Variants in GLT8D2 observed in about 807,000 individuals in gnomAD.
The protein encoded by GLT8D2 is glycosyltransferase 8 domain containing 2, also known as glycosyltransferase 8 domain-containing protein 2.
In GLT8D2, 45 loss-of-function variants were observed where a neutral mutation model predicts 44.5. The observed-to-expected ratio is 1.01, with a 90% CI of 0.80 to 1.30. GLT8D2 has a LOEUF of 1.30. Among genes scored for constraint, GLT8D2 ranks in the 50% most tolerant of loss-of-function variants. The pLI, the probability that GLT8D2 is intolerant of heterozygous loss-of-function variation, is 0.00. For missense variants in GLT8D2, 400 were observed against 430.4 expected (o/e 0.93, Z 0.62); for synonymous variants, 156 against 157.2 (o/e 0.99, Z 0.06).
intron 1 of GLT8D2, among the ~76,000 whole-genome samples, chr12:104,026,020 T>C (rs1400896734): frequency 6.6e-6 from 1 of 152,172 alleles, no homozygotes; most frequent in Non-Finnish European, 1.5e-5. Context: ...GGCTCACAAC[T>C]GTAATTCCAG....
At chr12:104,008,954 T>G (rs1875457320) in intron 4 of GLT8D2, among the ~76,000 whole-genome samples, 1 of 152,218 alleles carries the variant, frequency 6.6e-6, no homozygotes, top group East Asian at 1.9e-4. Flanking sequence ...TCAGAAGATG[T>G]ATGGAAATGT....
At chr12:104,034,904 C>T (rs1167893266) in intron 1 of GLT8D2, among the ~76,000 whole-genome samples, 2 of 152,220 alleles carry the variant, frequency 1.3e-5, no homozygotes, top group African/African-American at 4.8e-5. Flanking sequence ...CCAACTGATA[C>T]ATCATACAGG....
intron 4 of GLT8D2, among the ~76,000 whole-genome samples, chr12:104,005,543 A>G (rs1948436568): frequency 1.3e-5 from 2 of 152,234 alleles, no homozygotes; most frequent in African/African-American, 4.8e-5. Context: ...CAAGAAAAAA[A>G]CAAACAACCC....
chr12:103,989,989 T>C (rs2136252286), intron 10 of GLT8D2, among the ~76,000 whole-genome samples: 1 of 151,574 alleles, frequency 6.6e-6, no homozygotes, highest in East Asian at 1.9e-4. Context: ...CCAAGTTCCT[T>C]ATTAAGGACA....
chr12:104,051,463 T>C (rs1357489976), upstream of GLT8D2, among the ~76,000 whole-genome samples: 1 of 152,202 alleles, frequency 6.6e-6, no homozygotes, highest in Non-Finnish European at 1.5e-5. Context: ...ATTTAATTTG[T>C]TTTGATACAT....
chr12:104,032,389 G>A (rs1879365646), intron 1 of GLT8D2, among the ~76,000 whole-genome samples: 1 of 140,648 alleles, frequency 7.1e-6, no homozygotes, highest in Non-Finnish European at 1.5e-5. Context: ...CTGCCACATG[G>A]GTCCAGTGTT....
intron 8 of GLT8D2, 46 bp from the exon 9 acceptor site, chr12:103,994,547 G>T: frequency 1.3e-6 from 2 of 1,517,598 alleles, no homozygotes; most frequent in African/African-American, 1.4e-5. Context: ...CGAATCTTTT[G>T]TTTCTGGAAA....
rs1340883335 is a variant in GLT8D2 at position 104,030,937 on chromosome 12, C to T, written c.-163-9446G>A. 87 of 1,467,374 alleles carry T rather than the reference C, an allele frequency of 5.9e-5. No homozygotes were observed. The East Asian group carries it at 1.9e-3, about 33-fold the overall frequency. 90.9% of individuals were successfully genotyped at this position (1,467,374 alleles called of 1,614,324 possible). A position where few individuals can be genotyped will look rare whatever the true frequency, so the allele number is the denominator to read the frequency against. ...TACGAGATGCTGGCTATGAGTTTGACATCTGCTTCACCTCAGTGCAGAAGA... is the reference window on the plus strand; with the variant it reads ...TACGAGATGCTGGCTATGAGTTTGATATCTGCTTCACCTCAGTGCAGAAGA... On this transcript the variant is annotated intron_variant, in intron 1 of 10. Transcript: ENST00000360814.
At chr12:104,015,674 GT>G (rs973468211) in intron 3 of GLT8D2, among the ~76,000 whole-genome samples, 1 of 152,060 alleles carries the variant, frequency 6.6e-6, no homozygotes, top group Non-Finnish European at 1.5e-5. Context: ...AGTTCTAATA[GT>G]TTTTTGCTGG....
chr12:103,989,168 G>A lies in GLT8D2; in HGVS notation c.*240C>T. ...CAGGTTGATTGCTGTTATCTAGATGGGTCTCTTCCTTTATGTTTTTCAGTC... is the reference window on the plus strand; with the variant it reads ...CAGGTTGATTGCTGTTATCTAGATGAGTCTCTTCCTTTATGTTTTTCAGTC... On this transcript the variant is annotated 3_prime_UTR_variant, in exon 11 of 11. Transcript: ENST00000360814. The A allele has an allele frequency of 3.0e-6, 1 of 337,788 alleles. No individual in the cohort carries two copies. Among genetic ancestry groups the A allele is most frequent in the Non-Finnish European group, 5.3e-6 (1 of 187,114 alleles). The allele number at this position is 337,788 out of a possible 1,614,324, so 20.9% of individuals were successfully genotyped here.
At chr12:104,049,209 C>T (rs1381001882) in intron 1 of GLT8D2, among the ~76,000 whole-genome samples, 2 of 150,976 alleles carry the variant, frequency 1.3e-5, no homozygotes, top group Non-Finnish European at 1.5e-5. Context: ...CACATCCAGA[C>T]ATTCAGATAT....
chr12:103,999,919 G>A (rs1437280717), intron 5 of GLT8D2, among the ~76,000 whole-genome samples: 4 of 152,102 alleles, frequency 2.6e-5, no homozygotes, highest in Non-Finnish European at 5.9e-5. Context: ...AGCTTTGATC[G>A]AAGTCATTTT....
chr12:104,053,074 C>T (rs1056413027), upstream of GLT8D2, among the ~76,000 whole-genome samples: 4 of 152,184 alleles, frequency 2.6e-5, no homozygotes, highest in Non-Finnish European at 5.9e-5. Context: ...GGTTTCCCAC[C>T]GCCCTTCCAG....
intron 1 of GLT8D2, chr12:104,049,553 T>C (rs1376393439): frequency 6.6e-6 from 1 of 152,182 alleles, no homozygotes. Context: ...CTTCATTAAA[T>C]AATAGCATTC....
intron 4 of GLT8D2, among the ~76,000 whole-genome samples, chr12:104,004,462 A>C (rs536237720): frequency 1.5e-4 from 23 of 152,326 alleles, no homozygotes; most frequent in African/African-American, 5.3e-4. Context: ...AGATGACATG[A>C]TTGTATATTT....
rs182422826 is a variant in GLT8D2, at chr12:104,003,638, A to G, written c.113-332T>C. Among the ~76,000 whole-genome samples, 15 of 152,180 alleles carry G rather than the reference A, an allele frequency of 9.9e-5. No homozygotes were observed. The East Asian group carries it at 2.1e-3, about 22-fold the overall frequency. ...CACCCCCTTGCCTTTCCCCTTTCCC[A>G]TTAGCTGGACTGTTGATATGATGGT... is the stretch of plus-strand genomic sequence containing the variant. On this transcript the variant is annotated intron_variant, in intron 4 of 10. Transcript: ENST00000360814.
At chr12:104,026,350 A>G (rs1023173293) in intron 1 of GLT8D2, among the ~76,000 whole-genome samples, 2 of 151,984 alleles carry the variant, frequency 1.3e-5, no homozygotes, top group Admixed American at 6.6e-5. Context: ...AAAAGGGTTG[A>G]TCTACCATGA....
At chr12:103,989,929 G>A (rs1283095597) in intron 10 of GLT8D2, among the ~76,000 whole-genome samples, 10 of 151,754 alleles carry the variant, frequency 6.6e-5, no homozygotes. Flanking sequence ...AGTACATGTG[G>A]ATTTACCAAA....
At chr12:104,017,233 A>G (rs1351864924) in intron 3 of GLT8D2, among the ~76,000 whole-genome samples, 4 of 151,688 alleles carry the variant, frequency 2.6e-5, no homozygotes, top group African/African-American at 4.8e-5. Context: ...TTTTTTTTTA[A>G]TGATAGGAAA....
Sources: gnomAD v4.1 joint callset for allele counts (sites outside exome capture counted in the v4.1 genomes callset) on GRCh38, gnomAD v4.1.1 for gene constraint, MANE v1.5 for transcripts, NCBI Gene and HGNC (gene_info 2026-07-23, HGNC 2026-07-21) for gene names.